The following GPAT3 variants were observed in gnomAD, a reference collection of about 807,000 sequenced individuals.
GPAT3 encodes the protein glycerol-3-phosphate acyltransferase 3.
A neutral mutation model predicts 58.8 loss-of-function variants in GPAT3; 53 were observed. The observed-to-expected ratio is 0.90, with a 90% CI of 0.72 to 1.13. The LOEUF (loss-of-function observed/expected upper bound fraction) is 1.13, where lower values mean the gene tolerates loss of function less well. GPAT3 is among the 50% of genes most tolerant of loss of function. The pLI is 0.00. For missense variants in GPAT3, 511 were observed against 527.6 expected (o/e 0.97, Z 0.31); for synonymous variants, 197 against 187.4 (o/e 1.05, Z -0.42).
intron 2 of GPAT3, among the ~76,000 whole-genome samples, chr4:83,562,179 T>A (rs1336609390): frequency 2.3e-5 from 2 of 86,174 alleles, no homozygotes; most frequent in African/African-American, 1.1e-4. Context: ...ATTTTATATA[T>A]TATATATATA....
chr4:83,592,221 A>T (rs546891334), intron 6 of GPAT3, among the ~76,000 whole-genome samples: 1 of 152,292 alleles, frequency 6.6e-6, no homozygotes, highest in Admixed American at 6.5e-5. Context: ...CTTTACTTTT[A>T]GATCATGTAT....
chr4:83,536,814 C>T (rs75795576), intron 1 of GPAT3, 51 bp downstream of exon 1: 1 of 1,541,828 alleles, frequency 6.5e-7, no homozygotes. Context: ...GGGCTGAGAA[C>T]CCGGGGGTCC....
chr4:83,565,071 C>T (rs998289515), intron 2 of GPAT3, among the ~76,000 whole-genome samples: 17 of 151,628 alleles, frequency 1.1e-4, no homozygotes, highest in Non-Finnish European at 1.8e-4. Flanking sequence ...TCAATAATTT[C>T]CAGAATTCCA....
At chr4:83,544,034 C>G (rs190992211) in intron 1 of GPAT3, among the ~76,000 whole-genome samples, 1 of 152,186 alleles carries the variant, frequency 6.6e-6, no homozygotes, top group Non-Finnish European at 1.5e-5. Context: ...GTGTCCTACC[C>G]CTGAATGTCT....
At chr4:83,591,747 C>A (rs2110105560) in intron 6 of GPAT3, among the ~76,000 whole-genome samples, 1 of 152,220 alleles carries the variant, frequency 6.6e-6, no homozygotes, top group Non-Finnish European at 1.5e-5. Flanking sequence ...CAGGTTAGGT[C>A]TGAGATTTTA....
chr4:83,563,468 T>G (rs1159455129), intron 2 of GPAT3, among the ~76,000 whole-genome samples: 1 of 150,968 alleles, frequency 6.6e-6, no homozygotes, highest in African/African-American at 2.4e-5. Context: ...TATTTTATTT[T>G]TTCTTTCTTC....
rs70965361 is a variant in GPAT3, at chr4:83,598,751, CTTTTTTTTTTTTT to C, written c.1205+52_1205+64del. Reference sequence around the variant, plus strand: ...AAGAGAACTTTCAGAAGTACTATCACTTTTTTTTTTTTTTTTTTTTTTTTTTTTTTTTTTTTAG... The same window carrying C: ...AAGAGAACTTTCAGAAGTACTATCACTTTTTTTTTTTTTTTTTTTTTTTAG... On this transcript the variant is annotated intron_variant, in intron 11 of 11. Transcript: ENST00000264409. 6.9e-3 allele frequency: 1,054 copies of C among 152,204 alleles called. 9 individuals are homozygous for C. Among genetic ancestry groups the C allele is most frequent in the East Asian group, 0.018 (74 of 4,110 alleles). 9.4% of individuals were successfully genotyped at this position (152,204 alleles called of 1,614,324 possible).
chr4:83,596,888 A>G lies in GPAT3; in HGVS notation c.885A>G (p.Lys295=). ...RLKEHIADKK[K]LPILIFPEGT... ...AAGAACATATTGCTGATAAGAAGAAACTACCCATACTAATTTTTCCTGAAG... is the reference window on the plus strand; with the variant it reads ...AAGAACATATTGCTGATAAGAAGAAGCTACCCATACTAATTTTTCCTGAAG... Residue 295 remains lysine (K), a synonymous_variant, in exon 8 of 12, where the codon AAA becomes AAG. Transcript: ENST00000264409. 1 of 1,600,358 alleles carries G rather than the reference A, an allele frequency of 6.2e-7. No homozygotes were observed. Among genetic ancestry groups the G allele is most frequent in the Non-Finnish European group, 8.5e-7 (1 of 1,176,810 alleles).
At chr4:83,595,857 C>T (rs1437015076) in intron 7 of GPAT3, among the ~76,000 whole-genome samples, 1 of 152,172 alleles carries the variant, frequency 6.6e-6, no homozygotes, top group Admixed American at 6.5e-5. Context: ...CATTGGTTAT[C>T]GCTTCTATAA....
At position 83,536,474 on chromosome 4, in the gene GPAT3, G is replaced by T. The variant is rs1724093574; in HGVS notation, c.-149G>T. ...GAAGGATATTGCCGTAATTCTGAAA[G>T]TTTTTTTCCTTCCTCTCTTCCCTTC... is the stretch of plus-strand genomic sequence containing the variant. On this transcript the variant is annotated 5_prime_UTR_variant, in exon 1 of 12. Coordinates refer to ENST00000264409, the MANE Select transcript of GPAT3 (RefSeq NM_032717.5). 2.1e-6 allele frequency: 3 copies of T among 1,460,472 alleles called. No individual in the cohort carries two copies. Among genetic ancestry groups the T allele is most frequent in the Non-Finnish European group, 2.7e-6 (3 of 1,113,002 alleles). The allele number at this position is 1,460,472 out of a possible 1,614,324, so 90.5% of individuals were successfully genotyped here.
At chr4:83,597,779 G>A (rs1317462474) in intron 9 of GPAT3, among the ~76,000 whole-genome samples, 1 of 152,148 alleles carries the variant, frequency 6.6e-6, no homozygotes, top group East Asian at 1.9e-4. Context: ...GCTTTCATCA[G>A]CCTTCTAGTT....
intron 2 of GPAT3, among the ~76,000 whole-genome samples, chr4:83,546,129 C>T (rs1391355070): frequency 2.0e-5 from 3 of 152,076 alleles, no homozygotes; most frequent in African/African-American, 2.4e-5. Context: ...GGACTACAGG[C>T]GTGCGCCACC....
At chr4:83,588,503 G>T (rs1386316627) in intron 5 of GPAT3, among the ~76,000 whole-genome samples, 2 of 152,170 alleles carry the variant, frequency 1.3e-5, no homozygotes, top group African/African-American at 4.8e-5. Flanking sequence ...TAATAAACAC[G>T]TAGTTGTGCT....
At chr4:83,583,212 T>G (rs186863057) in intron 3 of GPAT3, among the ~76,000 whole-genome samples, 1 of 152,130 alleles carries the variant, frequency 6.6e-6, no homozygotes, top group Non-Finnish European at 1.5e-5. Flanking sequence ...GAGAATCGCT[T>G]GAACCTGGGA....
intron 2 of GPAT3, among the ~76,000 whole-genome samples, chr4:83,564,848 C>G (rs1725325668): frequency 6.6e-6 from 1 of 151,950 alleles, no homozygotes; most frequent in Non-Finnish European, 1.5e-5. Context: ...TCAATATTTT[C>G]TTTTTCTAAC....
intron 2 of GPAT3, among the ~76,000 whole-genome samples, chr4:83,570,064 C>T (rs764847126): frequency 3.3e-5 from 5 of 152,210 alleles, no homozygotes; most frequent in East Asian, 3.9e-4. Flanking sequence ...GTTGTATTGA[C>T]GAGAAATATC....
chr4:83,542,893 G>A (rs1730761428), intron 1 of GPAT3, among the ~76,000 whole-genome samples: 1 of 152,202 alleles, frequency 6.6e-6, no homozygotes, highest in South Asian at 2.1e-4. Flanking sequence ...AGCTACTTGG[G>A]AGGCTGAGGC....
In GPAT3 at chr4:83,573,771, C is replaced by A. The variant is rs182447111; in HGVS notation, c.209-7791C>A. On this transcript the variant is annotated intron_variant, in intron 2 of 11. Coordinates refer to ENST00000264409, the MANE Select transcript of GPAT3 (RefSeq NM_032717.5). ...TGGTGCTGGAACAGGTAAACTCCTCCCTGCCCAATTTTAAAATAATAGCAT... is the reference window on the plus strand; with the variant it reads ...TGGTGCTGGAACAGGTAAACTCCTCACTGCCCAATTTTAAAATAATAGCAT... 1.8e-3 allele frequency among the ~76,000 whole-genome samples: 267 copies of A among 152,192 alleles called. 1 individual carries two copies. The highest frequency in any genetic ancestry group is 6.3e-3 in the African/African-American group (261 of 41,512).
intron 11 of GPAT3, among the ~76,000 whole-genome samples, chr4:83,603,566 A>G (rs1727143068): frequency 6.6e-6 from 1 of 152,176 alleles, no homozygotes; most frequent in African/African-American, 2.4e-5. Context: ...TGAGGCAGGC[A>G]GATCACCTGG....
Sources: allele counts gnomAD v4.1 joint callset (sites outside exome capture counted in the v4.1 genomes callset), GRCh38; gene constraint gnomAD v4.1.1; transcripts MANE v1.5; gene names NCBI Gene and HGNC (gene_info 2026-07-23, HGNC 2026-07-21).